SLIT3: variants seen among roughly 807,000 people sequenced by gnomAD.
SLIT3 encodes the protein slit homolog 3 protein.
SLIT3 carries 68 observed loss-of-function variants against 184.0 expected under a neutral mutation model. The ratio of observed to expected loss-of-function variants is 0.37; its 90% CI spans 0.30 to 0.45. SLIT3 has a LOEUF of 0.45. Among genes scored for constraint, SLIT3 ranks in the 20% least tolerant of loss-of-function variants. The pLI, the probability that SLIT3 is intolerant of heterozygous loss-of-function variation, is 1.00. For missense variants in SLIT3, 1,707 were observed against 2,026.0 expected (o/e 0.84, Z 3.02); for synonymous variants, 831 against 828.6 (o/e 1.00, Z -0.05).
chr5:168,706,451 A>G (rs1375902977), intron 26 of SLIT3: 2 of 152,148 alleles, frequency 1.3e-5, no homozygotes, highest in Non-Finnish European at 2.9e-5. Flanking sequence ...GGATCCACAC[A>G]TCCTGAGTAT....
At chr5:168,869,833 T>TC (rs1759444622) in intron 5 of SLIT3, among the ~76,000 whole-genome samples, 2 of 152,222 alleles carry the variant, frequency 1.3e-5, no homozygotes, top group African/African-American at 4.8e-5. Flanking sequence ...CAGGAACGGA[T>TC]CATTGGCATT....
At chr5:168,812,674 C>A (rs555223693) in intron 8 of SLIT3, among the ~76,000 whole-genome samples, 4 of 152,042 alleles carry the variant, frequency 2.6e-5, no homozygotes, top group Non-Finnish European at 1.5e-5. Flanking sequence ...CAACAGACTG[C>A]GATGACAATG....
In SLIT3 at chr5:168,949,191, A is replaced by C. The variant is rs577823910; in HGVS notation, c.414-65855T>G. ...CACCTGCGGGTGTTCTGAGGCTCTT[A>C]TCTCCAGGCAAACCTGACTGGATTT... On this transcript the variant is annotated intron_variant, in intron 4 of 35. Coordinates refer to ENST00000519560, the MANE Select transcript of SLIT3 (RefSeq NM_003062.4). 5.9e-5 allele frequency among the ~76,000 whole-genome samples: 9 copies of C among 152,290 alleles called. No homozygotes were observed. In the East Asian group the frequency reaches 1.7e-3, roughly 29 times the overall value.
chr5:168,837,077 G>A (rs912004058), intron 6 of SLIT3, among the ~76,000 whole-genome samples: 1 of 152,172 alleles, frequency 6.6e-6, no homozygotes, highest in African/African-American at 2.4e-5. Context: ...CTAAGAAGGA[G>A]GTGTGTGTTG....
At chr5:169,121,643 C>A (rs1378388985) in intron 4 of SLIT3, among the ~76,000 whole-genome samples, 2 of 152,124 alleles carry the variant, frequency 1.3e-5, no homozygotes, top group African/African-American at 4.8e-5. Flanking sequence ...TTAAAAAATG[C>A]CATTATCATA....
intron 18 of SLIT3, among the ~76,000 whole-genome samples, chr5:168,750,833 C>A (rs930835465): frequency 1.3e-5 from 2 of 151,932 alleles, no homozygotes; most frequent in African/African-American, 2.4e-5. Context: ...CAGCAGTGAA[C>A]AAAACAGCCA....
At chr5:168,980,061 A>G (rs1754898128) in intron 4 of SLIT3, among the ~76,000 whole-genome samples, 1 of 151,982 alleles carries the variant, frequency 6.6e-6, no homozygotes, top group South Asian at 2.1e-4. Flanking sequence ...GCAAAAACAC[A>G]CAACTCCGAG....
At position 168,778,233 on chromosome 5, in the gene SLIT3, C is replaced by T. The variant is rs548434014; in HGVS notation, c.1152-3855G>A. On this transcript the variant is annotated intron_variant, in intron 12 of 35. Coordinates refer to ENST00000519560, the MANE Select transcript of SLIT3 (RefSeq NM_003062.4). ...GCACTATCTTATGTAACCCCCACAA[C>T]AGCACTATGATTATCTTCATTTTTC... Among the ~76,000 whole-genome samples, 19 of 152,342 alleles carry T rather than the reference C, an allele frequency of 1.2e-4. No individual in the cohort carries two copies. In the South Asian group the frequency reaches 3.1e-3, roughly 25 times the overall value.
intron 4 of SLIT3, among the ~76,000 whole-genome samples, chr5:169,055,861 A>G (rs928922884): frequency 1.3e-5 from 2 of 151,930 alleles, no homozygotes; most frequent in African/African-American, 2.4e-5. Flanking sequence ...AAAGAAAAAG[A>G]AGGAAGTTGG....
chr5:169,140,274 C>G (rs1761674167), intron 4 of SLIT3, among the ~76,000 whole-genome samples: 1 of 127,540 alleles, frequency 7.8e-6, no homozygotes, highest in South Asian at 2.4e-4. Context: ...ACCAGCCTGG[C>G]CAACATGGTA....
chr5:168,776,125 C>T (rs553925679), intron 12 of SLIT3, among the ~76,000 whole-genome samples: 32 of 152,324 alleles, frequency 2.1e-4, no homozygotes, highest in Middle Eastern at 3.4e-3. Flanking sequence ...GCCGGGCTGG[C>T]CTGCCTCAGG....
At chr5:169,171,835 T>C (rs1299707735) in intron 4 of SLIT3, among the ~76,000 whole-genome samples, 3 of 152,016 alleles carry the variant, frequency 2.0e-5, no homozygotes, top group African/African-American at 7.3e-5. Context: ...CAGAAAGAGA[T>C]TTGAGTTCCA....
intron 1 of SLIT3, among the ~76,000 whole-genome samples, chr5:169,257,533 C>CTTTTTTTTT (rs1157258489): frequency 9.9e-5 from 8 of 80,912 alleles, no homozygotes; most frequent in African/African-American, 2.9e-4. Context: ...TCTATGCCTC[C>CTTTTTTTTT]TTTTTTTTTT....
intron 4 of SLIT3, among the ~76,000 whole-genome samples, chr5:169,064,640 C>T (rs889419202): frequency 4.6e-5 from 7 of 152,062 alleles, no homozygotes; most frequent in Admixed American, 6.5e-5. Flanking sequence ...ATGAGTGTTA[C>T]GGCTTCCCGT....
intron 12 of SLIT3, among the ~76,000 whole-genome samples, chr5:168,784,690 T>C (rs141130831): frequency 5.9e-4 from 90 of 152,256 alleles, no homozygotes; most frequent in African/African-American, 2.0e-3. Flanking sequence ...ATCAACCACA[T>C]AAGATGTGTC....
At chr5:168,813,561 G>A (rs886662587) in intron 8 of SLIT3, among the ~76,000 whole-genome samples, 19 of 152,194 alleles carry the variant, frequency 1.2e-4, no homozygotes, top group Admixed American at 1.1e-3. Context: ...AAAAGATAAA[G>A]CTCTATTTCC....
chr5:168,903,060 C>T (rs1760923959), intron 4 of SLIT3, among the ~76,000 whole-genome samples: 1 of 152,186 alleles, frequency 6.6e-6, no homozygotes, highest in African/African-American at 2.4e-5. Context: ...TCTAAGCCAA[C>T]ATCACTCAAT....
At chr5:168,975,674 T>A (rs987727649) in intron 4 of SLIT3, among the ~76,000 whole-genome samples, 1 of 152,190 alleles carries the variant, frequency 6.6e-6, no homozygotes, top group Non-Finnish European at 1.5e-5. Flanking sequence ...TTCAGCCACT[T>A]TTTTCTGTAG....
intron 9 of SLIT3, among the ~76,000 whole-genome samples, chr5:168,803,101 A>C (rs1256472330): frequency 6.6e-6 from 1 of 152,222 alleles, no homozygotes; most frequent in Non-Finnish European, 1.5e-5. Context: ...GGTGGTGACA[A>C]GACCTTTTAT....
Sources: gnomAD v4.1 joint callset for allele counts (sites outside exome capture counted in the v4.1 genomes callset) on GRCh38, gnomAD v4.1.1 for gene constraint, MANE v1.5 for transcripts, NCBI Gene and HGNC (gene_info 2026-07-23, HGNC 2026-07-21) for gene names.